Variants in ADAMTSL1 observed in about 807,000 individuals in gnomAD.
ADAMTSL1 encodes the protein ADAMTS like 1, also known as ADAMTS-like protein 1.
ADAMTSL1 carries 126 observed loss-of-function variants against 201.8 expected under a neutral mutation model. The ratio of observed to expected loss-of-function variants is 0.62; its 90% CI spans 0.54 to 0.72. The LOEUF (loss-of-function observed/expected upper bound fraction) is 0.72. Ranked by LOEUF, ADAMTSL1 falls within the 30% of genes least tolerant of loss-of-function variation. The pLI, the probability that ADAMTSL1 is intolerant of heterozygous loss-of-function variation, is 0.00. For missense variants in ADAMTSL1, 2,679 were observed against 2,277.8 expected (o/e 1.18, Z -3.59); for synonymous variants, 1,121 against 903.4 (o/e 1.24, Z -4.32).
At chr9:18,673,247 A>G (rs1428702680) in intron 9 of ADAMTSL1, among the ~76,000 whole-genome samples, 1 of 152,228 alleles carries the variant, frequency 6.6e-6, no homozygotes, top group Non-Finnish European at 1.5e-5. Flanking sequence ...AGAAAAAAAA[A>G]AAGTAAGCAA....
chr9:18,882,254 T>C (rs1828578513), intron 23 of ADAMTSL1, among the ~76,000 whole-genome samples: 1 of 152,136 alleles, frequency 6.6e-6, no homozygotes, highest in Non-Finnish European at 1.5e-5. Flanking sequence ...AAGGTTCATA[T>C]TTACCGACTA....
intron 2 of ADAMTSL1, among the ~76,000 whole-genome samples, chr9:18,253,712 G>A (rs898839506): frequency 6.6e-6 from 1 of 152,122 alleles, no homozygotes; most frequent in Non-Finnish European, 1.5e-5. Context: ...TGCTTTTCAG[G>A]TCTTTCATTT....
intron 15 of ADAMTSL1, among the ~76,000 whole-genome samples, chr9:18,751,948 G>A (rs1819494374): frequency 3.4e-5 from 1 of 29,508 alleles, no homozygotes; most frequent in Admixed American, 2.6e-4. Flanking sequence ...AAAATTAGCC[G>A]GGCGTAGTGG....
intron 1 of ADAMTSL1, among the ~76,000 whole-genome samples, chr9:18,020,009 T>C (rs1820416243): frequency 6.6e-6 from 1 of 152,056 alleles, no homozygotes; most frequent in Non-Finnish European, 1.5e-5. Flanking sequence ...AATGTGTACA[T>C]TGGTTATCCT....
intron 1 of ADAMTSL1, among the ~76,000 whole-genome samples, chr9:18,148,848 C>A (rs542455134): frequency 5.3e-5 from 8 of 152,080 alleles, no homozygotes; most frequent in African/African-American, 1.9e-4. Flanking sequence ...TGCCTAGATT[C>A]TAGTTGATTA....
chr9:18,828,209 C>T lies in ADAMTSL1; in HGVS notation c.4115-1634C>T, dbSNP rs548801258. 2.0e-5 allele frequency among the ~76,000 whole-genome samples: 3 copies of T among 152,238 alleles called. No individual in the cohort carries two copies. In the East Asian group the frequency reaches 5.8e-4, roughly 29 times the overall value. ...GTTTTAGGAGAAATATAAGTGGTGG[C>T]CTCTACCCCTGGAGAATTTACAGTT... On this transcript the variant is annotated intron_variant, in intron 22 of 28. Coordinates refer to ENST00000380548, the MANE Select transcript of ADAMTSL1 (RefSeq NM_001040272.6).
intron 15 of ADAMTSL1, among the ~76,000 whole-genome samples, chr9:18,742,762 G>C (rs970132340): frequency 2.6e-5 from 4 of 152,232 alleles, no homozygotes; most frequent in African/African-American, 7.2e-5. Flanking sequence ...AAAGAAAAAG[G>C]GTTCATTTAG....
Position 18,775,808 on chromosome 9 carries a change from C to T in ADAMTSL1, c.2463C>T (p.Thr821=), listed in dbSNP as rs778876252. 7.8e-5 allele frequency: 126 copies of T among 1,611,330 alleles called. No individual in the cohort carries two copies. The highest frequency in any genetic ancestry group is 1.0e-4 in the Non-Finnish European group (118 of 1,178,766). Residue 821 remains threonine, a synonymous_variant, in exon 18 of 29, where the codon ACC becomes ACT. Coordinates refer to ENST00000380548, the MANE Select transcript of ADAMTSL1 (RefSeq NM_001040272.6). ...CCATTTGCCGAAAGATGCTGAAAACCGGCCTCTCAACGGTTGTCAATTCCA... is the reference window on the plus strand; with the variant it reads ...CCATTTGCCGAAAGATGCTGAAAACTGGCCTCTCAACGGTTGTCAATTCCA... ...RSAICRKMLK[T]GLSTVVNSTL...
chr9:18,001,364 G>T (rs1418178215), intron 1 of ADAMTSL1, among the ~76,000 whole-genome samples: 1 of 151,938 alleles, frequency 6.6e-6, no homozygotes, highest in Non-Finnish European at 1.5e-5. Flanking sequence ...ATACCATCTT[G>T]TCCCAGTGCT....
Position 18,817,257 on chromosome 9 carries a change from T to C in ADAMTSL1, c.3934+20T>C. 2 of 1,550,050 alleles carry C rather than the reference T, an allele frequency of 1.3e-6. No homozygotes were observed. The highest frequency in any genetic ancestry group is 1.7e-6 in the Non-Finnish European group (2 of 1,146,236). ...TTGCAGGTGAGAAATTAATGTTCAT[T>C]TGTTCACACGTTAATGGAGCCCTGT... On this transcript the variant is annotated intron_variant, in intron 21 of 28. Coordinates refer to ENST00000380548, the MANE Select transcript of ADAMTSL1 (RefSeq NM_001040272.6).
intron 3 of ADAMTSL1, among the ~76,000 whole-genome samples, chr9:18,553,704 T>C (rs1286234945): frequency 6.6e-6 from 1 of 151,886 alleles, no homozygotes; most frequent in East Asian, 1.9e-4. Flanking sequence ...AACTTAACTC[T>C]ACGTTGACAG....
At chr9:18,367,094 G>GT (rs370613802) in intron 2 of ADAMTSL1, among the ~76,000 whole-genome samples, 24 of 152,074 alleles carry the variant, frequency 1.6e-4, no homozygotes, top group African/African-American at 5.3e-4. Context: ...CTTTAACTCT[G>GT]TTTTTTCTAC....
In ADAMTSL1 at chr9:18,777,974, C is replaced by T. The variant is rs1001377567; in HGVS notation, c.3677+68C>T. 4 of 1,503,306 alleles carry T rather than the reference C, an allele frequency of 2.7e-6. No homozygotes were observed. In the South Asian group the frequency reaches 4.1e-5, roughly 15 times the overall value. The allele number at this position is 1,503,306 out of a possible 1,614,324, so 93.1% of individuals were successfully genotyped here. A position where few individuals can be genotyped will look rare whatever the true frequency, so the allele number is the denominator to read the frequency against. Reference sequence around the variant, plus strand: ...GCCACATCTGGCCCAAGTCACACTACTTACACATTCTTCAAGGTGTTTCCA... The same window carrying T: ...GCCACATCTGGCCCAAGTCACACTATTTACACATTCTTCAAGGTGTTTCCA... On this transcript the variant is annotated intron_variant, in intron 19 of 28. Transcript: ENST00000380548.
intron 14 of ADAMTSL1, among the ~76,000 whole-genome samples, chr9:18,710,613 A>G (rs753540988): frequency 6.7e-6 from 1 of 150,360 alleles, no homozygotes; most frequent in Non-Finnish European, 1.5e-5. Context: ...TCTTTCTAGA[A>G]ATGTAGCCCT....
chr9:17,952,214 A>G (rs1033479157), intron 1 of ADAMTSL1, among the ~76,000 whole-genome samples: 13 of 150,170 alleles, frequency 8.7e-5, no homozygotes, highest in African/African-American at 2.7e-4. Context: ...TCAGCCACCC[A>G]AAGTGCTGGG....
chr9:18,506,670 T>C (rs1817682978), intron 2 of ADAMTSL1, among the ~76,000 whole-genome samples: 1 of 152,176 alleles, frequency 6.6e-6, no homozygotes, highest in Admixed American at 6.5e-5. Context: ...ACAAAAGATA[T>C]CAGTTGTCTT....
At chr9:18,474,662 T>C in intron 1 of ADAMTSL1, among the ~76,000 whole-genome samples, 1 of 152,076 alleles carries the variant, frequency 6.6e-6, no homozygotes, top group East Asian at 1.9e-4. Flanking sequence ...ACTGTGGTGT[T>C]CCTGGAATTT....
At chr9:18,476,664 CT>C (rs1265760680) in intron 1 of ADAMTSL1, among the ~76,000 whole-genome samples, 1 of 150,204 alleles carries the variant, frequency 6.7e-6, no homozygotes, top group Non-Finnish European at 1.5e-5. Flanking sequence ...CTTGTTTTTC[CT>C]ATAGTCTTTT....
intron 1 of ADAMTSL1, among the ~76,000 whole-genome samples, chr9:17,969,981 T>C (rs1041882598): frequency 2.0e-5 from 3 of 152,110 alleles, no homozygotes; most frequent in African/African-American, 4.8e-5. Context: ...TAATAAAAGA[T>C]AACTGTAGTA....
Sources: allele counts gnomAD v4.1 joint callset (sites outside exome capture counted in the v4.1 genomes callset), GRCh38; gene constraint gnomAD v4.1.1; transcripts MANE v1.5; gene names NCBI Gene and HGNC (gene_info 2026-07-23, HGNC 2026-07-21).